STX8: variants seen among roughly 807,000 people sequenced by gnomAD.
STX8 encodes syntaxin-8.
In STX8, 23 loss-of-function variants were observed where a neutral mutation model predicts 37.5. That is an observed-to-expected ratio of 0.61 (90% CI 0.44 to 0.87). STX8 has a LOEUF of 0.87. Ranked by LOEUF, STX8 falls within the 40% of genes least tolerant of loss-of-function variation. STX8 has a pLI of 0.00. For synonymous variants in STX8, 115 were observed against 99.1 expected, an observed-to-expected ratio of 1.16 and a Z score of -0.95; for missense variants, 313 against 284.7, an observed-to-expected ratio of 1.10 and a Z score of -0.71.
intron 5 of STX8, among the ~76,000 whole-genome samples, chr17:9,493,035 T>C (rs370470383): frequency 8.1e-4 from 123 of 151,320 alleles, no homozygotes; most frequent in African/African-American, 3.0e-3. Context: ...GAAGCGGAGA[T>C]TGCAGTGAGC....
intron 6 of STX8, among the ~76,000 whole-genome samples, chr17:9,385,412 T>C (rs9892400): frequency 0.19 from 29,648 of 152,206 alleles, 3,009 homozygotes; most frequent in Non-Finnish European, 0.22. Flanking sequence ...TTGTAGAACA[T>C]ATATCTGACA....
intron 7 of STX8, among the ~76,000 whole-genome samples, chr17:9,308,427 G>A (rs1257908379): frequency 6.6e-6 from 1 of 152,100 alleles, no homozygotes; most frequent in Admixed American, 6.6e-5. Flanking sequence ...GACTCACCTT[G>A]GTGAAAAGGA....
intron 7 of STX8, among the ~76,000 whole-genome samples, chr17:9,298,843 C>CAAAACA (rs1567773804): frequency 2.0e-5 from 3 of 151,162 alleles, no homozygotes; most frequent in African/African-American, 7.3e-5. Flanking sequence ...AAAACAAAAC[C>CAAAACA]AAACCAAACC....
At chr17:9,457,895 G>GC (rs1567569536) in intron 6 of STX8, among the ~76,000 whole-genome samples, 2 of 152,298 alleles carry the variant, frequency 1.3e-5, no homozygotes, top group Admixed American at 6.5e-5. Context: ...TTTTGACAAG[G>GC]AGAATAGGTT....
intron 7 of STX8, among the ~76,000 whole-genome samples, chr17:9,322,643 T>C (rs1216458367): frequency 6.6e-6 from 1 of 152,066 alleles, no homozygotes; most frequent in Non-Finnish European, 1.5e-5. Flanking sequence ...CACTGCATTG[T>C]ATGCTTCTTG....
At chr17:9,285,047 C>A (rs1359121456) in intron 7 of STX8, among the ~76,000 whole-genome samples, 1 of 152,162 alleles carries the variant, frequency 6.6e-6, no homozygotes, top group Admixed American at 6.5e-5. Flanking sequence ...CCCCACCCCC[C>A]TGGAGATTCT....
chr17:9,327,351 G>T (rs1435463230), intron 7 of STX8, among the ~76,000 whole-genome samples: 1 of 149,760 alleles, frequency 6.7e-6, no homozygotes, highest in Admixed American at 6.7e-5. Context: ...AGGAGGAGGA[G>T]AAGGAGAGGG....
At position 9,309,047 on chromosome 17, in the gene STX8, T is replaced by C. The variant is rs79085184; in HGVS notation, c.644-58402A>G. ...TGCTTCCAATAAGCAGCTTATTCTT[T>C]AAATTCTGACTTGACTAATAAGGGG... On this transcript the variant is annotated intron_variant, in intron 7 of 7. Coordinates refer to ENST00000306357, the MANE Select transcript of STX8 (RefSeq NM_004853.3). Among the ~76,000 whole-genome samples the C allele has an allele frequency of 7.0e-3, 1,071 of 151,938 alleles. 19 individuals are homozygous for C. The highest frequency in any genetic ancestry group is 0.024 in the African/African-American group (1,012 of 41,422).
chr17:9,441,859 T>C (rs1395838570), intron 6 of STX8, among the ~76,000 whole-genome samples: 1 of 151,844 alleles, frequency 6.6e-6, no homozygotes, highest in African/African-American at 2.4e-5. Flanking sequence ...GTATTTTTAG[T>C]AGAGACGGGG....
At chr17:9,315,914 T>A (rs1352313161) in intron 7 of STX8, among the ~76,000 whole-genome samples, 1 of 151,556 alleles carries the variant, frequency 6.6e-6, no homozygotes, top group African/African-American at 2.4e-5. Flanking sequence ...CTTGGGAGGC[T>A]GAGGCAGGAG....
At chr17:9,341,935 G>A (rs888648467) in intron 7 of STX8, among the ~76,000 whole-genome samples, 4 of 152,128 alleles carry the variant, frequency 2.6e-5, no homozygotes, top group East Asian at 1.9e-4. Context: ...TAGAGAGACC[G>A]TGGAGAGCCT....
At chr17:9,385,183 GC>G (rs1911951894) in intron 6 of STX8, among the ~76,000 whole-genome samples, 1 of 152,138 alleles carries the variant, frequency 6.6e-6, no homozygotes, top group Non-Finnish European at 1.5e-5. Context: ...GATGCTCTGG[GC>G]ATAGTATTCT....
intron 6 of STX8, among the ~76,000 whole-genome samples, chr17:9,414,027 C>T (rs1186819774): frequency 6.3e-5 from 9 of 142,118 alleles, no homozygotes; most frequent in Non-Finnish European, 7.7e-5. Flanking sequence ...TCCATCCATC[C>T]ATCCAACCAT....
chr17:9,288,130 AAC>A, intron 7 of STX8, among the ~76,000 whole-genome samples: 1 of 98,872 alleles, frequency 1.0e-5, no homozygotes, highest in Non-Finnish European at 2.2e-5. Context: ...AAAACAAACA[AAC>A]AAACAAACAA....
At chr17:9,416,392 T>G (rs1913195269) in intron 6 of STX8, among the ~76,000 whole-genome samples, 1 of 151,982 alleles carries the variant, frequency 6.6e-6, no homozygotes, top group African/African-American at 2.4e-5. Context: ...TTTTTTAAGA[T>G]GGAGTCTCGC....
intron 4 of STX8, among the ~76,000 whole-genome samples, chr17:9,519,501 A>ACAAC (rs1905263764): frequency 2.6e-5 from 4 of 152,038 alleles, no homozygotes; most frequent in Admixed American, 2.6e-4. Flanking sequence ...CCTCTCATGT[A>ACAAC]CAACATGGTT....
At chr17:9,295,721 G>A (rs1439261955) in intron 7 of STX8, among the ~76,000 whole-genome samples, 3 of 151,706 alleles carry the variant, frequency 2.0e-5, no homozygotes, top group Admixed American at 6.6e-5. Flanking sequence ...CCAGCGTGAC[G>A]ACAGAATGAG....
intron 7 of STX8, among the ~76,000 whole-genome samples, chr17:9,327,629 A>C (rs962434240): frequency 3.3e-5 from 5 of 152,064 alleles, no homozygotes; most frequent in African/African-American, 1.2e-4. Context: ...ACCTCTCTGG[A>C]AACAGGGGTC....
chr17:9,458,156 T>C (rs1456558282), intron 6 of STX8, among the ~76,000 whole-genome samples: 2 of 152,212 alleles, frequency 1.3e-5, no homozygotes, highest in African/African-American at 4.8e-5. Context: ...TGGCTTTTAA[T>C]TTTATTTTTT....
Sources: gnomAD v4.1 joint callset for allele counts (sites outside exome capture counted in the v4.1 genomes callset) on GRCh38, gnomAD v4.1.1 for gene constraint, MANE v1.5 for transcripts, NCBI Gene and HGNC (gene_info 2026-07-23, HGNC 2026-07-21) for gene names.